SLC9A9: variants seen among roughly 807,000 people sequenced by gnomAD.
The protein encoded by SLC9A9 is solute carrier family 9 member A9, also known as sodium/hydrogen exchanger 9.
SLC9A9 carries 62 observed loss-of-function variants against 77.8 expected under a neutral mutation model. The ratio of observed to expected loss-of-function variants is 0.80; its 90% CI spans 0.65 to 0.98. SLC9A9 has a LOEUF of 0.98. Among genes scored for constraint, SLC9A9 ranks in the 50% least tolerant of loss-of-function variants. The pLI, the probability that SLC9A9 is intolerant of heterozygous loss-of-function variation, is 0.00. For missense variants in SLC9A9, 775 were observed against 774.9 expected, an observed-to-expected ratio of 1.00 and a Z score of 0.00; for synonymous variants, 320 against 283.5, an observed-to-expected ratio of 1.13 and a Z score of -1.29.
chr3:143,602,409 G>A (rs2108688096), intron 6 of SLC9A9, among the ~76,000 whole-genome samples: 1 of 152,348 alleles, frequency 6.6e-6, no homozygotes, highest in East Asian at 1.9e-4. Flanking sequence ...TCTCTCCAGT[G>A]AGGAAGGCCA....
At chr3:143,504,372 G>A (rs2035975529) in intron 9 of SLC9A9, 2 of 163,926 alleles carry the variant, frequency 1.2e-5, no homozygotes, top group African/African-American at 4.8e-5. Flanking sequence ...TTTTCACTCA[G>A]TTCCAAGTAC....
At chr3:143,583,064 G>C (rs952440335) in intron 6 of SLC9A9, among the ~76,000 whole-genome samples, 1 of 152,072 alleles carries the variant, frequency 6.6e-6, no homozygotes, top group East Asian at 1.9e-4. Flanking sequence ...GAGGTGGGAC[G>C]GTTGCTTGAG....
intron 2 of SLC9A9, among the ~76,000 whole-genome samples, chr3:143,806,750 T>A (rs1576741062): frequency 6.7e-6 from 1 of 149,366 alleles, no homozygotes; most frequent in Non-Finnish European, 1.5e-5. Context: ...GGGGGGCAAG[T>A]GGGGATTGTG....
chr3:143,330,468 T>G (rs2031736069), intron 14 of SLC9A9, among the ~76,000 whole-genome samples: 1 of 152,232 alleles, frequency 6.6e-6, no homozygotes. Context: ...CTCATTAATC[T>G]TCATTTAAAT....
intron 14 of SLC9A9, among the ~76,000 whole-genome samples, chr3:143,325,747 AG>A (rs1208859033): frequency 3.3e-5 from 5 of 152,224 alleles, no homozygotes; most frequent in African/African-American, 1.2e-4. Flanking sequence ...CAGCCTCAAA[AG>A]GGATAGCTGT....
At chr3:143,353,315 A>G (rs978034159) in intron 14 of SLC9A9, among the ~76,000 whole-genome samples, 2 of 152,178 alleles carry the variant, frequency 1.3e-5, no homozygotes, top group Non-Finnish European at 2.9e-5. Flanking sequence ...CTGACTCCCA[A>G]GGTGATCACA....
At chr3:143,343,124 C>G (rs530254363) in intron 14 of SLC9A9, among the ~76,000 whole-genome samples, 1 of 152,014 alleles carries the variant, frequency 6.6e-6, no homozygotes, top group African/African-American at 2.4e-5. Context: ...GTTTAGACAC[C>G]CAGAGGAGGA....
Position 143,409,742 on chromosome 3 carries a change from C to T in SLC9A9, c.1470-27628G>A, listed in dbSNP as rs1052090201. Among the ~76,000 whole-genome samples, 3 of 152,166 alleles carry T rather than the reference C, an allele frequency of 2.0e-5. No individual in the cohort carries two copies. In the South Asian group the frequency reaches 6.2e-4, roughly 32 times the overall value. On this transcript the variant is annotated intron_variant, in intron 12 of 15. Coordinates refer to ENST00000316549, the MANE Select transcript of SLC9A9 (RefSeq NM_173653.4). The stretch of plus-strand genomic sequence containing the variant: ...CCTAGAAGCTATGCAGGAAGATTAA[C>T]TTGGATAGAAGCAAGAACGTTTGTT...
At chr3:143,441,857 T>C (rs2034744830) in intron 12 of SLC9A9, among the ~76,000 whole-genome samples, 1 of 151,866 alleles carries the variant, frequency 6.6e-6, no homozygotes, top group Admixed American at 6.6e-5. Flanking sequence ...CATCCATCCA[T>C]CCATCCATCC....
chr3:143,397,882 C>G (rs1007244346), intron 12 of SLC9A9, among the ~76,000 whole-genome samples: 2 of 152,114 alleles, frequency 1.3e-5, no homozygotes, highest in Non-Finnish European at 2.9e-5. Flanking sequence ...GGGGGGAATG[C>G]ATAGAACATA....
intron 9 of SLC9A9, among the ~76,000 whole-genome samples, chr3:143,509,731 C>T (rs570549535): frequency 5.3e-5 from 8 of 152,202 alleles, no homozygotes; most frequent in Non-Finnish European, 8.8e-5. Flanking sequence ...TGAGAAAGTG[C>T]TCTTGTATAT....
rs372850709 is a variant in SLC9A9 at position 143,548,895 on chromosome 3, A to C, written c.1089+3467T>G. ...AACTGGTATAGACACAGTTGAATAG[A>C]ACTATTTTGTAAATCATGTCATCTT... On this transcript the variant is annotated intron_variant, in intron 9 of 15. Transcript: ENST00000316549. Among the ~76,000 whole-genome samples, 19 of 152,332 alleles carry C rather than the reference A, an allele frequency of 1.2e-4. No individual in the cohort carries two copies. The East Asian group carries it at 1.9e-3, about 15-fold the overall frequency.
intron 11 of SLC9A9, 60 bp from the exon 12 acceptor site, chr3:143,467,250 G>T: frequency 1.9e-6 from 3 of 1,596,184 alleles, no homozygotes; most frequent in Non-Finnish European, 2.6e-6. Flanking sequence ...TCATTTCAAT[G>T]GATTCATCTT....
chr3:143,279,047 CA>C (rs1938135228), intron 14 of SLC9A9, among the ~76,000 whole-genome samples: 1 of 132,112 alleles, frequency 7.6e-6, no homozygotes, highest in African/African-American at 4.3e-5. Flanking sequence ...CGTTAGCTAA[CA>C]TTTTTTTCAC....
intron 5 of SLC9A9, among the ~76,000 whole-genome samples, chr3:143,691,889 C>T (rs1933480940): frequency 6.6e-6 from 1 of 152,080 alleles, no homozygotes; most frequent in South Asian, 2.1e-4. Context: ...GCATCTTGTT[C>T]AACTATAGGT....
At chr3:143,349,694 G>A (rs974098716) in intron 14 of SLC9A9, among the ~76,000 whole-genome samples, 2 of 152,150 alleles carry the variant, frequency 1.3e-5, no homozygotes, top group Non-Finnish European at 2.9e-5. Context: ...TGTTCCAGGC[G>A]ATTGAGTCTG....
chr3:143,706,352 T>C (rs922641936), intron 4 of SLC9A9, among the ~76,000 whole-genome samples: 1 of 152,228 alleles, frequency 6.6e-6, no homozygotes, highest in Non-Finnish European at 1.5e-5. Context: ...GTATGGGCTA[T>C]TCTTCCCTAA....
intron 14 of SLC9A9, among the ~76,000 whole-genome samples, chr3:143,345,374 G>A (rs531496444): frequency 5.9e-5 from 9 of 152,238 alleles, no homozygotes; most frequent in Admixed American, 4.6e-4. Context: ...TTGAGTTAGG[G>A]GAGATAAGGG....
At chr3:143,527,217 A>G (rs1388495287) in intron 9 of SLC9A9, among the ~76,000 whole-genome samples, 1 of 152,212 alleles carries the variant, frequency 6.6e-6, no homozygotes, top group African/African-American at 2.4e-5. Context: ...CACAGATAGC[A>G]TGTAATGTAT....
Sources: gnomAD v4.1 joint callset for allele counts (sites outside exome capture counted in the v4.1 genomes callset) on GRCh38, gnomAD v4.1.1 for gene constraint, MANE v1.5 for transcripts, NCBI Gene and HGNC (gene_info 2026-07-23, HGNC 2026-07-21) for gene names.